Variants in VPS13A observed in about 807,000 individuals in gnomAD.
The protein encoded by VPS13A is vacuolar protein sorting 13 homolog A.
VPS13A carries 264 observed loss-of-function variants against 390.9 expected under a neutral mutation model. That is an observed-to-expected ratio of 0.68 (90% CI 0.61 to 0.75). The LOEUF (loss-of-function observed/expected upper bound fraction) is 0.75, where lower values mean the gene tolerates loss of function less well. Among genes scored for constraint, VPS13A ranks in the 30% least tolerant of loss-of-function variants. VPS13A has a pLI of 0.00. For missense variants in VPS13A, 3,409 were observed against 3,733.9 expected, an observed-to-expected ratio of 0.91 and a Z score of 2.27; for synonymous variants, 1,231 against 1,227.1, an observed-to-expected ratio of 1.00 and a Z score of -0.07.
intron 23 of VPS13A, among the ~76,000 whole-genome samples, chr9:77,265,404 C>T (rs143863011): frequency 3.9e-5 from 6 of 152,236 alleles, no homozygotes; most frequent in Non-Finnish European, 5.9e-5. Flanking sequence ...TGGTAGAATT[C>T]GGCTTTGAAT....
At chr9:77,294,806 G>A (rs1827883200) in intron 32 of VPS13A, among the ~76,000 whole-genome samples, 1 of 152,206 alleles carries the variant, frequency 6.6e-6, no homozygotes, top group Non-Finnish European at 1.5e-5. Flanking sequence ...ATGGGCACAA[G>A]CAAATCCCAT....
intron 33 of VPS13A, among the ~76,000 whole-genome samples, chr9:77,301,714 AT>A (rs1266292545): frequency 1.3e-5 from 2 of 152,092 alleles, no homozygotes; most frequent in Non-Finnish European, 2.9e-5. Flanking sequence ...ATTGACCTAC[AT>A]TTTTCTTCAT....
intron 3 of VPS13A, among the ~76,000 whole-genome samples, chr9:77,204,645 A>G (rs1379958367): frequency 1.3e-5 from 2 of 151,978 alleles, no homozygotes; most frequent in East Asian, 3.9e-4. Context: ...CATTGCGGGG[A>G]GGTAAAGGTC....
chr9:77,221,623 C>CT (rs1210462006), intron 13 of VPS13A, among the ~76,000 whole-genome samples: 1 of 152,036 alleles, frequency 6.6e-6, no homozygotes, highest in East Asian at 1.9e-4. Flanking sequence ...CATTTTTAAC[C>CT]TCAAAAGTCT....
At chr9:77,414,490 C>T (rs1835079795) in intron 71 of VPS13A, among the ~76,000 whole-genome samples, 1 of 149,952 alleles carries the variant, frequency 6.7e-6, no homozygotes, top group East Asian at 2.0e-4. Context: ...ATCACAAGGA[C>T]AAAAAACCAA....
intron 39 of VPS13A, 76 bp from the exon 40 acceptor site, chr9:77,317,529 AT>A: frequency 9.0e-7 from 1 of 1,105,542 alleles, no homozygotes; most frequent in Non-Finnish European, 1.3e-6. Flanking sequence ...TGACATACCT[AT>A]TACTAGGAAA....
At chr9:77,178,797 A>G (rs1306951324) in intron 1 of VPS13A, among the ~76,000 whole-genome samples, 3 of 152,160 alleles carry the variant, frequency 2.0e-5, no homozygotes, top group African/African-American at 7.2e-5. Flanking sequence ...AGTGAGGGTT[A>G]ATTTTGTGTG....
rs1021391967 is a variant in VPS13A at position 77,316,284 on chromosome 9, A to C, written c.4741A>C (p.Thr1581Pro). Reference protein sequence around the residue: ...KNDAPALVITTQCEICYKGNL... With the variant: ...KNDAPALVITPQCEICYKGNL... The stretch of plus-strand genomic sequence containing the variant: ...TGATGCTCCTGCTTTAGTCATTACA[A>C]CACAATGTGAAATTTGCTATAAAGG... Residue 1581 changes from threonine (T) to proline (P), a missense_variant, in exon 39 of 72, where the codon ACA becomes CCA. Coordinates refer to ENST00000360280, the MANE Select transcript of VPS13A (RefSeq NM_033305.3). The C allele has an allele frequency of 6.2e-7, 1 of 1,613,252 alleles. No homozygotes were observed. The highest frequency in any genetic ancestry group is 1.3e-5 in the African/African-American group (1 of 74,858).
intron 23 of VPS13A, among the ~76,000 whole-genome samples, chr9:77,268,714 C>A (rs1301133839): frequency 6.6e-6 from 1 of 152,036 alleles, no homozygotes; most frequent in African/African-American, 2.4e-5. Flanking sequence ...CCGAGGCAGG[C>A]AGATCACTTG....
intron 17 of VPS13A, among the ~76,000 whole-genome samples, chr9:77,235,390 G>T (rs935961207): frequency 2.0e-5 from 3 of 152,076 alleles, no homozygotes; most frequent in South Asian, 2.1e-4. Context: ...GGACTGCATG[G>T]TTTCTGAGGA....
At chr9:77,206,447 C>A (rs1825647082) in intron 5 of VPS13A, among the ~76,000 whole-genome samples, 1 of 151,666 alleles carries the variant, frequency 6.6e-6, no homozygotes, top group South Asian at 2.1e-4. Flanking sequence ...CTTTTGTATT[C>A]CTTTTATATC....
At chr9:77,277,932 C>T (rs780078202) in intron 26 of VPS13A, among the ~76,000 whole-genome samples, 18 of 152,042 alleles carry the variant, frequency 1.2e-4, no homozygotes, top group Non-Finnish European at 2.2e-4. Context: ...TGGGTAAATA[C>T]CAAGGAACAT....
At chr9:77,302,364 T>TCC (rs372602147) in intron 33 of VPS13A, among the ~76,000 whole-genome samples, 1 of 140,226 alleles carries the variant, frequency 7.1e-6, no homozygotes, top group African/African-American at 2.8e-5. Flanking sequence ...TACATATTTT[T>TCC]CCCCTTTTTT....
intron 23 of VPS13A, among the ~76,000 whole-genome samples, chr9:77,271,910 G>A (rs1054003563): frequency 1.2e-4 from 19 of 152,150 alleles, no homozygotes; most frequent in Admixed American, 1.2e-3. Context: ...ATGATTGCAA[G>A]GAGCTTAAGG....
intron 71 of VPS13A, among the ~76,000 whole-genome samples, chr9:77,411,253 A>C (rs1279624779): frequency 6.6e-6 from 1 of 152,234 alleles, no homozygotes; most frequent in East Asian, 1.9e-4. Flanking sequence ...GAACAAAGAC[A>C]CAACATAGCA....
At position 77,207,213 on chromosome 9, in the gene VPS13A, T is replaced by TTTTATATATATATATA. The variant is rs1554859893; in HGVS notation, c.385+1135_385+1136insTTATATATATATATAT. ...CTCTGTGTCTTGATTTATTTAGATATTATATATATATATATATATATATAT... is the reference window on the plus strand; with the variant it reads ...CTCTGTGTCTTGATTTATTTAGATATTTTATATATATATATATATATATATATATATATATATATAT... On this transcript the variant is annotated intron_variant, in intron 5 of 71. Coordinates refer to ENST00000360280, the MANE Select transcript of VPS13A (RefSeq NM_033305.3). 6.7e-4 allele frequency among the ~76,000 whole-genome samples: 29 copies of TTTTATATATATATATA among 43,126 alleles called. 2 individuals carry two copies. Among genetic ancestry groups the TTTTATATATATATATA allele is most frequent in the African/African-American group, 1.5e-3 (26 of 16,898 alleles). 28.3% of individuals were successfully genotyped at this position (43,126 alleles called of 152,430 possible). A position where few individuals can be genotyped will look rare whatever the true frequency, so the allele number is the denominator to read the frequency against.
chr9:77,356,074 A>T (rs1166507447), intron 54 of VPS13A, among the ~76,000 whole-genome samples: 1 of 152,216 alleles, frequency 6.6e-6, no homozygotes, highest in Non-Finnish European at 1.5e-5. Flanking sequence ...CAGAGTCTAC[A>T]GTGGTCTACA....
intron 22 of VPS13A, among the ~76,000 whole-genome samples, chr9:77,254,715 G>A (rs1038715708): frequency 2.0e-5 from 3 of 152,068 alleles, no homozygotes; most frequent in African/African-American, 7.2e-5. Context: ...CATTTTCTAG[G>A]TCTCAGTACT....
At chr9:77,177,949 A>G (rs1823744069) in intron 1 of VPS13A, 145 bp downstream of exon 1, 1 of 669,086 alleles carries the variant, frequency 1.5e-6, no homozygotes, top group Non-Finnish European at 2.6e-6. Context: ...GGGTCAAGTT[A>G]CGTAAAGCCG....
Sources: gnomAD v4.1 joint callset for allele counts (sites outside exome capture counted in the v4.1 genomes callset) on GRCh38, gnomAD v4.1.1 for gene constraint, MANE v1.5 for transcripts, NCBI Gene and HGNC (gene_info 2026-07-23, HGNC 2026-07-21) for gene names.